The following TMEM131 variants were observed in gnomAD, a reference collection of about 807,000 sequenced individuals.
TMEM131 encodes the protein 2610524E03Rik.
In TMEM131, 66 loss-of-function variants were observed where a neutral mutation model predicts 211.6. The ratio of observed to expected loss-of-function variants is 0.31; its 90% confidence interval spans 0.26 to 0.38. The LOEUF is 0.38. Among genes scored for constraint, TMEM131 ranks in the 10% least tolerant of loss-of-function variants. The probability of loss-of-function intolerance (pLI) is 1.00; values close to 1 mark genes in which losing one functional copy is unlikely to be tolerated. For synonymous variants in TMEM131, 844 were observed against 841.3 expected, an observed-to-expected ratio of 1.00 and a Z score of -0.06; for missense variants, 2,036 against 2,299.3, an observed-to-expected ratio of 0.89 and a Z score of 2.34.
chr2:97,920,953 G>A (rs900754601), intron 2 of TMEM131, among the ~76,000 whole-genome samples: 9 of 147,720 alleles, frequency 6.1e-5, no homozygotes, highest in Non-Finnish European at 1.0e-4. Flanking sequence ...TCTGAGTGAC[G>A]CTAATAAAAA....
intron 2 of TMEM131, among the ~76,000 whole-genome samples, chr2:97,924,622 GC>G (rs1482627235): frequency 2.0e-5 from 3 of 152,196 alleles, no homozygotes; most frequent in Non-Finnish European, 4.4e-5. Context: ...TGCTGGTGAG[GC>G]CCAGGTGAGT....
intron 28 of TMEM131, among the ~76,000 whole-genome samples, chr2:97,795,867 A>C (rs1248218436): frequency 6.6e-6 from 1 of 152,208 alleles, no homozygotes; most frequent in Non-Finnish European, 1.5e-5. Flanking sequence ...GTATGAAACA[A>C]ATCTCTGTTG....
chr2:97,816,340 C>CA (rs1357488258), intron 12 of TMEM131, among the ~76,000 whole-genome samples: 7 of 151,210 alleles, frequency 4.6e-5, no homozygotes, highest in African/African-American at 9.7e-5. Flanking sequence ...GACTCTGACC[C>CA]AAAAAAACAA....
At chr2:97,874,711 G>A (rs147184591) in intron 4 of TMEM131, among the ~76,000 whole-genome samples, 1,988 of 152,308 alleles carry the variant, frequency 0.013, 26 homozygotes, top group Non-Finnish European at 0.021. Flanking sequence ...CCTTACAAGA[G>A]CTCCTGAAGG....
At chr2:97,928,390 C>A (rs1677077524) in intron 1 of TMEM131, among the ~76,000 whole-genome samples, 1 of 149,078 alleles carries the variant, frequency 6.7e-6, no homozygotes, top group Non-Finnish European at 1.5e-5. Context: ...CATTCTTTAT[C>A]AAATTGTAAT....
intron 25 of TMEM131, among the ~76,000 whole-genome samples, chr2:97,799,594 G>A (rs1680926720): frequency 6.6e-6 from 1 of 152,186 alleles, no homozygotes; most frequent in South Asian, 2.1e-4. Context: ...TGGATAATTT[G>A]TATTCACCAT....
intron 7 of TMEM131, among the ~76,000 whole-genome samples, chr2:97,841,180 A>T (rs910058880): frequency 6.6e-6 from 1 of 152,208 alleles, no homozygotes; most frequent in African/African-American, 2.4e-5. Flanking sequence ...CATGTCACAC[A>T]GCTAAGTCCC....
Position 97,834,802 on chromosome 2 carries a change from G to GA in TMEM131, c.927dup (p.Leu310SerfsTer4). 6.2e-7 allele frequency: 1 copy of GA among 1,613,662 alleles called. No individual in the cohort carries two copies. The highest frequency in any genetic ancestry group is 8.5e-7 in the Non-Finnish European group (1 of 1,179,752). On this transcript the variant is annotated frameshift_variant, in exon 9 of 41. Transcript: ENST00000186436. LOFTEE classifies it high-confidence loss of function. ...GTTGTAACTTCAACCTCAACAGGAA[G>GA]AATGATAAACTCTGTGCTGTCTGAA...
At chr2:97,782,857 T>A (rs1359775124) in intron 31 of TMEM131, among the ~76,000 whole-genome samples, 1 of 151,688 alleles carries the variant, frequency 6.6e-6, no homozygotes, top group Non-Finnish European at 1.5e-5. Flanking sequence ...CTGACATTTG[T>A]GTTATCAAAG....
chr2:97,823,526 C>G (rs893448764), intron 11 of TMEM131, among the ~76,000 whole-genome samples: 4 of 152,118 alleles, frequency 2.6e-5, no homozygotes, highest in African/African-American at 9.7e-5. Context: ...TTTGGAGATA[C>G]CTGGTGTCTT....
At chr2:97,840,974 G>C (rs1683168035) in intron 7 of TMEM131, among the ~76,000 whole-genome samples, 1 of 152,040 alleles carries the variant, frequency 6.6e-6, no homozygotes, top group African/African-American at 2.4e-5. Flanking sequence ...GGGTGGTCTG[G>C]GACAACAGCC....
At chr2:97,891,014 C>A (rs1217881748) in intron 3 of TMEM131, among the ~76,000 whole-genome samples, 1 of 152,114 alleles carries the variant, frequency 6.6e-6, no homozygotes, top group Non-Finnish European at 1.5e-5. Flanking sequence ...CGAGTGAGTA[C>A]GATACAAGTT....
chr2:97,940,837 TG>T (rs1188925389), intron 1 of TMEM131, among the ~76,000 whole-genome samples: 1 of 147,744 alleles, frequency 6.8e-6, no homozygotes, highest in Non-Finnish European at 1.5e-5. Context: ...CAAAAACAAA[TG>T]GAAGAACATT....
chr2:97,846,085 C>T (rs1433856819), intron 5 of TMEM131, among the ~76,000 whole-genome samples: 1 of 152,170 alleles, frequency 6.6e-6, no homozygotes, highest in Non-Finnish European at 1.5e-5. Context: ...AAAATCTTCC[C>T]ACAAAGAAAA....
At chr2:97,889,675 TAC>T (rs1675302201) in intron 3 of TMEM131, among the ~76,000 whole-genome samples, 2 of 151,800 alleles carry the variant, frequency 1.3e-5, no homozygotes, top group African/African-American at 2.4e-5. Context: ...GAAATTAAGA[TAC>T]AGTGTTTTTC....
At chr2:97,979,795 T>C (rs1366344105) in intron 1 of TMEM131, among the ~76,000 whole-genome samples, 2 of 152,220 alleles carry the variant, frequency 1.3e-5, no homozygotes, top group African/African-American at 4.8e-5. Flanking sequence ...GTAGCACTTT[T>C]AACTTCCTTA....
At chr2:97,830,735 T>A (rs1415340840) in intron 11 of TMEM131, among the ~76,000 whole-genome samples, 4 of 152,230 alleles carry the variant, frequency 2.6e-5, no homozygotes, top group African/African-American at 9.6e-5. Flanking sequence ...AAAGCCATTT[T>A]CTCAAAGTTG....
chr2:97,767,071 G>C (rs1487055122), intron 33 of TMEM131, among the ~76,000 whole-genome samples: 1 of 152,154 alleles, frequency 6.6e-6, no homozygotes, highest in Non-Finnish European at 1.5e-5. Flanking sequence ...ATTCAAAACT[G>C]AACAAATTTT....
At chr2:97,961,361 T>C (rs1678808276) in intron 1 of TMEM131, among the ~76,000 whole-genome samples, 1 of 152,182 alleles carries the variant, frequency 6.6e-6, no homozygotes, top group African/African-American at 2.4e-5. Context: ...AAAAATACAA[T>C]TCCCTATACA....
Sources: gnomAD v4.1 joint callset for allele counts (sites outside exome capture counted in the v4.1 genomes callset) on GRCh38, gnomAD v4.1.1 for gene constraint, MANE v1.5 for transcripts, NCBI Gene and HGNC (gene_info 2026-07-23, HGNC 2026-07-21) for gene names.